GTF2E2: variants seen among roughly 807,000 people sequenced by gnomAD.
GTF2E2 encodes the protein general transcription factor IIE subunit 2.
Under a neutral mutation model 40.5 loss-of-function variants are expected in GTF2E2, and 21 were observed. The observed-to-expected ratio is 0.52, with a 90% CI of 0.37 to 0.75. GTF2E2 has a LOEUF of 0.75. Among genes scored for constraint, GTF2E2 ranks in the 30% least tolerant of loss-of-function variants. The pLI is 0.00. For synonymous variants in GTF2E2, 117 were observed against 121.6 expected, an observed-to-expected ratio of 0.96 and a Z score of 0.25; for missense variants, 298 against 338.4, an observed-to-expected ratio of 0.88 and a Z score of 0.94.
intron 3 of GTF2E2, among the ~76,000 whole-genome samples, chr8:30,619,070 T>C (rs1801008257): frequency 6.6e-6 from 1 of 151,768 alleles, no homozygotes; most frequent in Non-Finnish European, 1.5e-5. Context: ...AGCCTCCGAG[T>C]AGCTGAGACT....
intron 6 of GTF2E2, chr8:30,584,774 T>C (rs985195682): frequency 6.6e-6 from 1 of 152,232 alleles, no homozygotes; most frequent in African/African-American, 2.4e-5. Context: ...CACAACAGTG[T>C]GGTGCAGGCC....
At chr8:30,633,316 A>C (rs567756459) in intron 3 of GTF2E2, among the ~76,000 whole-genome samples, 1 of 152,304 alleles carries the variant, frequency 6.6e-6, no homozygotes, top group African/African-American at 2.4e-5. Flanking sequence ...TTCAAAGAAA[A>C]AATAATTAAA....
intron 1 of GTF2E2, among the ~76,000 whole-genome samples, chr8:30,654,198 T>A (rs1016282758): frequency 5.3e-5 from 8 of 152,016 alleles, no homozygotes; most frequent in African/African-American, 1.9e-4. Flanking sequence ...CTATTAAACA[T>A]GTGAAATGTG....
At chr8:30,618,615 TG>T (rs1420335064) in intron 3 of GTF2E2, among the ~76,000 whole-genome samples, 1 of 152,160 alleles carries the variant, frequency 6.6e-6, no homozygotes, top group Non-Finnish European at 1.5e-5. Context: ...TTCACAAAGC[TG>T]TAAGAAATGA....
chr8:30,602,204 A>C (rs577540274), intron 6 of GTF2E2, among the ~76,000 whole-genome samples: 2 of 152,066 alleles, frequency 1.3e-5, no homozygotes, highest in African/African-American at 4.8e-5. Flanking sequence ...TTTTAGGAGA[A>C]ATGGGATTTC....
intron 3 of GTF2E2, among the ~76,000 whole-genome samples, chr8:30,623,358 C>T (rs914559386): frequency 1.3e-5 from 2 of 152,036 alleles, no homozygotes; most frequent in East Asian, 1.9e-4. Flanking sequence ...ATCCATGTCC[C>T]TACAAAGGAC....
At chr8:30,605,564 C>A (rs1270799686) in intron 6 of GTF2E2, among the ~76,000 whole-genome samples, 1 of 151,572 alleles carries the variant, frequency 6.6e-6, no homozygotes, top group Admixed American at 6.6e-5. Context: ...TTAAGTACTG[C>A]AAATATTTTT....
intron 6 of GTF2E2, chr8:30,596,943 T>G (rs1234296499): frequency 6.6e-6 from 1 of 152,412 alleles, no homozygotes. Flanking sequence ...CCTCAGTGTC[T>G]GTTCGACCTT....
chr8:30,627,477 G>C (rs1025963589), intron 3 of GTF2E2, among the ~76,000 whole-genome samples: 29 of 147,504 alleles, frequency 2.0e-4, no homozygotes, highest in Non-Finnish European at 4.5e-5. Flanking sequence ...AAAAACTCAG[G>C]ACATCGCTTT....
rs1256446196 is a variant in GTF2E2, at chr8:30,637,275, C to T, written c.167-2152G>A. ...GCAACTGTATAAACAACTGGGAAGA[C>T]TATGAAAAAAGAGATGACAATGTGT... On this transcript the variant is annotated intron_variant, in intron 2 of 7. Coordinates refer to ENST00000355904, the MANE Select transcript of GTF2E2 (RefSeq NM_002095.6). The T allele has an allele frequency of 8.8e-6, 4 of 455,892 alleles. No individual in the cohort carries two copies. The Admixed American group carries it at 9.4e-5, about 11-fold the overall frequency. The allele number at this position is 455,892 out of a possible 1,614,324, so 28.2% of individuals were successfully genotyped here.
chr8:30,588,147 T>C (rs535132352), intron 6 of GTF2E2, among the ~76,000 whole-genome samples: 20 of 152,310 alleles, frequency 1.3e-4, no homozygotes, highest in East Asian at 3.9e-4. Flanking sequence ...GTAGCCATTA[T>C]GGAAAACTGT....
intron 6 of GTF2E2, among the ~76,000 whole-genome samples, chr8:30,602,710 C>A (rs918214517): frequency 1.3e-5 from 2 of 148,946 alleles, no homozygotes; most frequent in African/African-American, 5.0e-5. Flanking sequence ...GCCAAGACTG[C>A]ACCATTGCAC....
At chr8:30,579,918 GC>G (rs1252253304) in intron 7 of GTF2E2, among the ~76,000 whole-genome samples, 3 of 152,180 alleles carry the variant, frequency 2.0e-5, no homozygotes, top group Non-Finnish European at 4.4e-5. Context: ...GCAGGGGAGG[GC>G]CCCGTTCAAG....
intron 1 of GTF2E2, 68 bp from the exon 2 acceptor site, chr8:30,653,670 G>A: frequency 9.2e-7 from 1 of 1,090,008 alleles, no homozygotes; most frequent in Non-Finnish European, 1.4e-6. Flanking sequence ...CAAATCCACA[G>A]ATCTCAACAA....
chr8:30,582,342 A>AT (rs1401009911), intron 6 of GTF2E2, among the ~76,000 whole-genome samples: 1 of 152,180 alleles, frequency 6.6e-6, no homozygotes, highest in Non-Finnish European at 1.5e-5. Context: ...TTCTTTTTAC[A>AT]TTTTTTAGAC....
intron 2 of GTF2E2, among the ~76,000 whole-genome samples, chr8:30,648,623 CAT>C (rs961402128): frequency 9.2e-4 from 140 of 152,332 alleles, no homozygotes; most frequent in African/African-American, 3.2e-3. Flanking sequence ...GAGGATGTGA[CAT>C]GTGTCACCTT....
chr8:30,644,158 T>C (rs370900652), intron 2 of GTF2E2, among the ~76,000 whole-genome samples: 2 of 152,208 alleles, frequency 1.3e-5, no homozygotes, highest in Non-Finnish European at 2.9e-5. Flanking sequence ...TATAGTTCCA[T>C]ACTGACAAAT....
chr8:30,624,686 A>C (rs1482929958), intron 3 of GTF2E2, among the ~76,000 whole-genome samples: 5 of 151,864 alleles, frequency 3.3e-5, no homozygotes, highest in Non-Finnish European at 4.4e-5. Context: ...CTTTTATTTC[A>C]TTGAGCAGTG....
At chr8:30,597,352 G>C (rs76968135) in intron 6 of GTF2E2, 1 of 152,142 alleles carries the variant, frequency 6.6e-6, no homozygotes, top group Non-Finnish European at 1.5e-5. Flanking sequence ...TCCTCCAGGG[G>C]GAACAGTAAG....
Sources: allele counts gnomAD v4.1 joint callset (sites outside exome capture counted in the v4.1 genomes callset), GRCh38; gene constraint gnomAD v4.1.1; transcripts MANE v1.5; gene names NCBI Gene and HGNC (gene_info 2026-07-23, HGNC 2026-07-21).